MYRFL: variants seen among roughly 807,000 people sequenced by gnomAD.
MYRFL encodes the protein myelin regulatory factor like.
Under a neutral mutation model 109.4 loss-of-function variants are expected in MYRFL, and 88 were observed. The observed-to-expected ratio is 0.80, with a 90% CI of 0.68 to 0.96. The LOEUF (loss-of-function observed/expected upper bound fraction) is 0.96. Among genes scored for constraint, MYRFL ranks in the 40% least tolerant of loss-of-function variants. The pLI is 0.00. For synonymous variants in MYRFL, 324 were observed against 320.9 expected, an observed-to-expected ratio of 1.01 and a Z score of -0.10; for missense variants, 957 against 954.9, an observed-to-expected ratio of 1.00 and a Z score of -0.03.
intron 2 of MYRFL, among the ~76,000 whole-genome samples, chr12:69,873,258 A>C (rs1448967152): frequency 1.3e-5 from 2 of 152,176 alleles, no homozygotes; most frequent in African/African-American, 4.8e-5. Context: ...AACCAAAAAA[A>C]AATCAGAAAA....
rs1006616447 is a variant in MYRFL at position 69,850,354 on chromosome 12, A to G, written c.47-4926A>G. ...ATGATCTTATATGCACTATTTTAAT[A>G]AAATATTAAATTTAATATAAAATAT... is the stretch of plus-strand genomic sequence containing the variant. On this transcript the variant is annotated intron_variant, in intron 1 of 24. Coordinates refer to ENST00000552032, the MANE Select transcript of MYRFL (RefSeq NM_182530.3). Among the ~76,000 whole-genome samples the G allele has an allele frequency of 2.0e-5, 3 of 151,820 alleles. No homozygotes were observed. In the South Asian group the frequency reaches 6.2e-4, roughly 31 times the overall value.
chr12:69,868,098 C>CTTT (rs1454241117), intron 2 of MYRFL, among the ~76,000 whole-genome samples: 1 of 143,156 alleles, frequency 7.0e-6, no homozygotes. Context: ...GCCTCGGTTT[C>CTTT]TTTTTTTTTT....
chr12:69,882,855 G>C (rs555143502), intron 5 of MYRFL, among the ~76,000 whole-genome samples: 10 of 152,334 alleles, frequency 6.6e-5, no homozygotes, highest in African/African-American at 2.2e-4. Flanking sequence ...CCCACAGTAA[G>C]AGGTGCACTG....
chr12:69,852,484 ACTAC>A (rs1883931760), intron 1 of MYRFL, among the ~76,000 whole-genome samples: 1 of 150,930 alleles, frequency 6.6e-6, no homozygotes, highest in African/African-American at 2.4e-5. Context: ...ATTTTAACCA[ACTAC>A]CTATTTATTT....
intron 13 of MYRFL, among the ~76,000 whole-genome samples, chr12:69,921,393 T>A (rs538409211): frequency 6.6e-6 from 1 of 152,182 alleles, no homozygotes; most frequent in South Asian, 2.1e-4. Context: ...TTAGAAAAAA[T>A]TTCCTCAGGC....
intron 19 of MYRFL, among the ~76,000 whole-genome samples, chr12:69,938,964 C>T (rs980393939): frequency 3.0e-4 from 46 of 152,262 alleles, no homozygotes; most frequent in African/African-American, 9.6e-4. Flanking sequence ...CACTCCCACC[C>T]GAATACTGCG....
At chr12:69,847,933 T>TAA (rs1883655106) in intron 1 of MYRFL, among the ~76,000 whole-genome samples, 1 of 152,182 alleles carries the variant, frequency 6.6e-6, no homozygotes, top group South Asian at 2.1e-4. Context: ...TATTATGGTT[T>TAA]AAGAGTCTTT....
At chr12:69,844,985 C>T (rs964485870) in intron 1 of MYRFL, among the ~76,000 whole-genome samples, 4 of 152,072 alleles carry the variant, frequency 2.6e-5, no homozygotes, top group Non-Finnish European at 5.9e-5. Context: ...CACCCATGCT[C>T]CTGTGCTCTA....
intron 2 of MYRFL, among the ~76,000 whole-genome samples, chr12:69,855,861 G>A (rs1476712207): frequency 1.3e-5 from 2 of 151,578 alleles, no homozygotes; most frequent in African/African-American, 4.8e-5. Context: ...TTTGGTTAAA[G>A]TTAAAATTCT....
chr12:69,826,010 G>A (rs937642543), intron 1 of MYRFL, among the ~76,000 whole-genome samples: 3 of 152,050 alleles, frequency 2.0e-5, no homozygotes, highest in African/African-American at 7.2e-5. Flanking sequence ...AGAATCTAGG[G>A]ATCAGTCAGC....
chr12:69,879,145 C>T (rs1330058501), intron 3 of MYRFL, 50 bp downstream of exon 3: 3 of 630,546 alleles, frequency 4.8e-6, no homozygotes, highest in East Asian at 3.0e-5. Context: ...TCTTCCTCCT[C>T]GACTCTGGGC....
At chr12:69,898,850 C>T (rs1954088642) in intron 10 of MYRFL, among the ~76,000 whole-genome samples, 1 of 152,148 alleles carries the variant, frequency 6.6e-6, no homozygotes. Flanking sequence ...GTCCACACAA[C>T]AGCAACATGA....
intron 9 of MYRFL, 58 bp from the exon 10 acceptor site, chr12:69,897,098 G>A: frequency 8.5e-7 from 1 of 1,182,816 alleles, no homozygotes; most frequent in Non-Finnish European, 1.2e-6. Context: ...GTATTTGTTT[G>A]TACAAATTGT....
chr12:69,936,127 T>A lies in MYRFL; in HGVS notation c.1931T>A (p.Val644Asp). ...AVMAFCALTI[V>D]ALYILSLKDQ... ...TTTTTTGACAGTGCTTTGACGATAGTTGCCCTCTATATACTTAGCTTAAAA... is the reference window on the plus strand; with the variant it reads ...TTTTTTGACAGTGCTTTGACGATAGATGCCCTCTATATACTTAGCTTAAAA... Residue 644 changes from valine to aspartate, a missense_variant, in exon 17 of 25, where the codon GTT becomes GAT. Val to Asp is a radical substitution (Grantham distance 152). Coordinates refer to ENST00000552032, the MANE Select transcript of MYRFL (RefSeq NM_182530.3). 1.5e-6 allele frequency: 2 copies of A among 1,319,462 alleles called. No homozygotes were observed. The highest frequency in any genetic ancestry group is 2.1e-6 in the Non-Finnish European group (2 of 963,986). The allele number at this position is 1,319,462 out of a possible 1,614,324, so 81.7% of individuals were successfully genotyped here. A position where few individuals can be genotyped will look rare whatever the true frequency, so the allele number is the denominator to read the frequency against.
chr12:69,934,144 G>A (rs765214221), intron 16 of MYRFL, among the ~76,000 whole-genome samples: 1 of 152,212 alleles, frequency 6.6e-6, no homozygotes, highest in African/African-American at 2.4e-5. Flanking sequence ...AACAAAGAAG[G>A]GGAGACTGTG....
chr12:69,881,768 T>C (rs1886131173), intron 5 of MYRFL, among the ~76,000 whole-genome samples: 1 of 152,170 alleles, frequency 6.6e-6, no homozygotes, highest in Non-Finnish European at 1.5e-5. Flanking sequence ...TTTCCAACCT[T>C]AGAAACACAA....
chr12:69,928,554 G>T (rs147134332), intron 15 of MYRFL, among the ~76,000 whole-genome samples: 61 of 152,266 alleles, frequency 4.0e-4, no homozygotes, highest in African/African-American at 1.4e-3. Flanking sequence ...ATTCTAAAAG[G>T]ATTCAGAAAG....
At chr12:69,958,164 G>T in intron 23 of MYRFL, 85 bp from the exon 24 acceptor site, 1 of 1,268,262 alleles carries the variant, frequency 7.9e-7, no homozygotes, top group South Asian at 1.3e-5. Flanking sequence ...TACAGTCATT[G>T]AGGAAATGCT....
intron 2 of MYRFL, among the ~76,000 whole-genome samples, chr12:69,867,437 A>T (rs11177916): frequency 0.36 from 55,256 of 152,028 alleles, 10,182 homozygotes; most frequent in Admixed American, 0.44. Flanking sequence ...CAGTGTGCTT[A>T]GTAGGGGTAG....
Sources: gnomAD v4.1 joint callset for allele counts (sites outside exome capture counted in the v4.1 genomes callset) on GRCh38, gnomAD v4.1.1 for gene constraint, MANE v1.5 for transcripts, NCBI Gene and HGNC (gene_info 2026-07-23, HGNC 2026-07-21) for gene names.